Variants in ATG10 observed in about 807,000 individuals in gnomAD.
The protein encoded by ATG10 is autophagy related 10.
Under a neutral mutation model 32.1 loss-of-function variants are expected in ATG10, and 30 were observed. The ratio of observed to expected loss-of-function variants is 0.94; its 90% confidence interval spans 0.70 to 1.27. ATG10 has a LOEUF of 1.27. ATG10 is among the 50% of genes most tolerant of loss of function. The probability of loss-of-function intolerance (pLI) is 0.00; values close to 1 mark genes in which losing one functional copy is unlikely to be tolerated. For missense variants in ATG10, 233 were observed against 262.3 expected, an observed-to-expected ratio of 0.89 and a Z score of 0.77; for synonymous variants, 87 against 91.5, an observed-to-expected ratio of 0.95 and a Z score of 0.28.
chr5:82,103,076 A>G (rs1465823628), intron 3 of ATG10, among the ~76,000 whole-genome samples: 4 of 152,142 alleles, frequency 2.6e-5, no homozygotes, highest in Admixed American at 1.3e-4. Context: ...ATCCCTAAGG[A>G]AAAAAAGGGC....
intron 4 of ATG10, among the ~76,000 whole-genome samples, chr5:82,175,397 G>A (rs1195718867): frequency 6.6e-6 from 1 of 152,020 alleles, no homozygotes; most frequent in Admixed American, 6.6e-5. Context: ...CCTCCCACCT[G>A]GGTCTCCCAA....
intron 3 of ATG10, among the ~76,000 whole-genome samples, chr5:82,060,170 A>C (rs1037189255): frequency 1.3e-5 from 2 of 152,114 alleles, no homozygotes; most frequent in African/African-American, 4.8e-5. Flanking sequence ...ATAAAATATA[A>C]TTTTTTTCAA....
At chr5:82,131,097 A>T (rs1766501166) in intron 3 of ATG10, among the ~76,000 whole-genome samples, 2 of 152,128 alleles carry the variant, frequency 1.3e-5, no homozygotes, top group Admixed American at 1.3e-4. Flanking sequence ...GGGGTAGGTT[A>T]AAAAACTACC....
At chr5:82,129,730 G>T (rs1561314112) in intron 3 of ATG10, among the ~76,000 whole-genome samples, 1 of 152,010 alleles carries the variant, frequency 6.6e-6, no homozygotes, top group African/African-American at 2.4e-5. Flanking sequence ...CATCCCAGGG[G>T]GGCATCTGCC....
At chr5:82,013,152 G>A (rs1762173771) in intron 2 of ATG10, among the ~76,000 whole-genome samples, 1 of 151,894 alleles carries the variant, frequency 6.6e-6, no homozygotes, top group Non-Finnish European at 1.5e-5. Context: ...TAGTAAAGAC[G>A]GGTTTTCACC....
intron 3 of ATG10, among the ~76,000 whole-genome samples, chr5:82,059,706 A>C (rs1248779585): frequency 2.0e-5 from 3 of 152,166 alleles, no homozygotes; most frequent in Admixed American, 2.0e-4. Flanking sequence ...ATGTTAAATC[A>C]GGCCCATTTG....
intron 5 of ATG10, among the ~76,000 whole-genome samples, chr5:82,218,692 C>G (rs72778512): frequency 0.11 from 16,173 of 152,106 alleles, 960 homozygotes; most frequent in African/African-American, 0.17. Context: ...GGAGTGCTAA[C>G]ACCAAAATCG....
At chr5:81,991,814 T>C (rs1488933146) in intron 2 of ATG10, among the ~76,000 whole-genome samples, 2 of 151,764 alleles carry the variant, frequency 1.3e-5, no homozygotes, top group Non-Finnish European at 2.9e-5. Context: ...AAAAAACTTA[T>C]CTATACCTAT....
At chr5:81,980,784 T>C (rs1025713510) in intron 1 of ATG10, among the ~76,000 whole-genome samples, 1 of 152,034 alleles carries the variant, frequency 6.6e-6, no homozygotes, top group Admixed American at 6.6e-5. Context: ...CATCTGGCCA[T>C]GCACACTGCA....
In ATG10 at chr5:82,058,562, TAGGAGCATCTACCCATGGAC is replaced by T. The variant is rs773993466; in HGVS notation, c.179_198del (p.Gly60AspfsTer15). On this transcript the variant is annotated frameshift_variant, in exon 3 of 8. Transcript: ENST00000282185. LOFTEE classifies it high-confidence loss of function. ...AAGAATGGGTCTGTGATGTCACATC[TAGGAGCATCTACCCATGGAC>T]AGACATGTCTTCCCATGGAGGTGAG... 6.2e-6 allele frequency: 10 copies of T among 1,613,200 alleles called. No homozygotes were observed. In the South Asian group the frequency reaches 1.1e-4, roughly 18 times the overall value.
intron 3 of ATG10, among the ~76,000 whole-genome samples, chr5:82,146,080 T>G (rs1486619597): frequency 1.3e-5 from 2 of 152,212 alleles, no homozygotes; most frequent in East Asian, 3.8e-4. Context: ...TGAATTTCCC[T>G]GTGCTATTAT....
rs567215638 is a variant in ATG10, at chr5:82,151,824, GCATCCAGAACTTGAATAAAACC to G, written c.217-12574_217-12553del. 5.9e-4 allele frequency among the ~76,000 whole-genome samples: 87 copies of G among 146,548 alleles called. 2 individuals carry two copies. In the South Asian group the frequency reaches 0.019, roughly 31 times the overall value. On this transcript the variant is annotated intron_variant, in intron 3 of 7. Coordinates refer to ENST00000282185, the MANE Select transcript of ATG10 (RefSeq NM_031482.5). ...TCATTGACTAACGACTCATTGAAAG[GCATCCAGAACTTGAATAAAACC>G]TCTTACAGCTAGAGAAGGGGATTGA...
chr5:82,239,025 G>A (rs1484125384), intron 5 of ATG10, among the ~76,000 whole-genome samples: 1 of 152,154 alleles, frequency 6.6e-6, no homozygotes, highest in East Asian at 1.9e-4. Context: ...ATTTTTTAAA[G>A]TAAATTACAT....
At chr5:82,056,198 G>A (rs1394350548) in intron 2 of ATG10, among the ~76,000 whole-genome samples, 1 of 152,094 alleles carries the variant, frequency 6.6e-6, no homozygotes, top group Non-Finnish European at 1.5e-5. Flanking sequence ...ACAAATTTAT[G>A]TTACTTAATA....
intron 3 of ATG10, among the ~76,000 whole-genome samples, chr5:82,153,908 CTATT>C (rs1767706188): frequency 1.8e-5 from 1 of 54,710 alleles, no homozygotes; most frequent in Non-Finnish European, 3.4e-5. Flanking sequence ...GGCCTGCTGC[CTATT>C]TTTTTTTTTT....
intron 3 of ATG10, among the ~76,000 whole-genome samples, chr5:82,156,982 C>G (rs1054825589): frequency 1.3e-5 from 2 of 152,126 alleles, no homozygotes; most frequent in African/African-American, 4.8e-5. Context: ...GTTTCCTATG[C>G]AGTCTTAAAA....
intron 5 of ATG10, among the ~76,000 whole-genome samples, chr5:82,232,152 A>C (rs1422261441): frequency 1.3e-5 from 2 of 152,210 alleles, no homozygotes; most frequent in East Asian, 1.9e-4. Flanking sequence ...GTGCCGCAAC[A>C]CACCTAGCTC....
intron 5 of ATG10, among the ~76,000 whole-genome samples, chr5:82,200,403 C>T (rs543589695): frequency 1.5e-5 from 2 of 136,020 alleles, no homozygotes; most frequent in Non-Finnish European, 3.2e-5. Context: ...TTTTCATATG[C>T]TTGTTTACCA....
intron 2 of ATG10, among the ~76,000 whole-genome samples, chr5:81,996,057 A>G (rs945152454): frequency 2.6e-5 from 4 of 152,152 alleles, no homozygotes; most frequent in African/African-American, 9.7e-5. Context: ...TTCACTTTAA[A>G]TTTATTTTAC....
Sources: gnomAD v4.1 joint callset for allele counts (sites outside exome capture counted in the v4.1 genomes callset) on GRCh38, gnomAD v4.1.1 for gene constraint, MANE v1.5 for transcripts, NCBI Gene and HGNC (gene_info 2026-07-23, HGNC 2026-07-21) for gene names.